Variants in RBM15 observed in about 807,000 individuals in gnomAD.
RBM15 encodes RNA binding motif protein 15, also known as RNA-binding protein 15.
A neutral mutation model predicts 62.6 loss-of-function variants in RBM15; 8 were observed. The ratio of observed to expected loss-of-function variants is 0.13; its 90% CI spans 0.07 to 0.23. RBM15 has a LOEUF of 0.23. Ranked by LOEUF, RBM15 falls within the 10% of genes least tolerant of loss-of-function variation. RBM15 has a pLI of 1.00. For missense variants in RBM15, 1,144 were observed against 1,286.5 expected, an observed-to-expected ratio of 0.89 and a Z score of 1.69; for synonymous variants, 606 against 505.7, an observed-to-expected ratio of 1.20 and a Z score of -2.66.
chr1:110,340,168 C>T lies in RBM15; in HGVS notation c.763C>T (p.Arg255Cys). The T allele has an allele frequency of 1.2e-6, 2 of 1,613,870 alleles. No homozygotes were observed. The highest frequency in any genetic ancestry group is 1.1e-5 in the South Asian group (1 of 91,078). Residue 255 changes from arginine (R) to cysteine (C), a missense_variant, in exon 1 of 3, where the codon CGC (arginine) becomes TGC (cysteine). By Grantham distance (180) the Arg-to-Cys change is radical (BLOSUM62 -3). Coordinates refer to ENST00000369784, the MANE Select transcript of RBM15 (RefSeq NM_022768.5). The surrounding 1 kb of genome is among the most constrained non-coding windows in gnomAD (Gnocchi z 5.8). Reference sequence around the variant, plus strand: ...GATAGAAGCTGTGTATGTGAGCCGGCGCCGCAGCCGCTCCCCTTTAGACAA... The same window carrying T: ...GATAGAAGCTGTGTATGTGAGCCGGTGCCGCAGCCGCTCCCCTTTAGACAA... The part of the protein sequence containing the change: ...LKIEAVYVSR[R>C]RSRSPLDKDT...
chr1:110,339,495 G>C lies in RBM15; in HGVS notation c.90G>C (p.Arg30=). 2 of 1,585,952 alleles carry C rather than the reference G, an allele frequency of 1.3e-6. No individual in the cohort carries two copies. Among genetic ancestry groups the C allele is most frequent in the African/African-American group, 1.3e-5 (1 of 74,298 alleles). Residue 30 remains arginine (R), a synonymous_variant, in exon 1 of 3, where the codon CGG becomes CGC. Transcript: ENST00000369784. ...TGTGTGAAACGAGCGCGGGGCGGCG[G>C]GTTACTCAGCTCCGCGGAGACGACC... is the stretch of plus-strand genomic sequence containing the variant. ...VPLCETSAGR[R]VTQLRGDDLR...
Position 110,341,720 on chromosome 1 carries a change from G to T in RBM15, c.2315G>T (p.Gly772Val). Reference sequence around the variant, plus strand: ...AAGTCCCCGTCCCAGAAACAGGATGGGGGGACAGCCCCTGTGGCATCAGCC... The same window carrying T: ...AAGTCCCCGTCCCAGAAACAGGATGTGGGGACAGCCCCTGTGGCATCAGCC... The part of the protein sequence containing the change: ...KLKSPSQKQD[G>V]GTAPVASASP... Residue 772 changes from glycine to valine, a missense_variant, in exon 1 of 3, where the codon GGG (glycine) becomes GTG (valine). By Grantham distance (109) the Gly-to-Val change is moderately radical. This residue lies in a region of RBM15 where 360 missense variants were observed against 342.9 expected (regional missense o/e 1.05). Transcript: ENST00000369784. This position sits in a 1 kb window ranked among gnomAD's most constrained non-coding sequence, Gnocchi z 4.5. The T allele has an allele frequency of 6.2e-7, 1 of 1,614,154 alleles. No homozygotes were observed. Among genetic ancestry groups the T allele is most frequent in the Non-Finnish European group, 8.5e-7 (1 of 1,180,022 alleles).
At position 110,339,767 on chromosome 1, in the gene RBM15, G is replaced by T; in HGVS notation, c.362G>T (p.Ser121Ile). ...GATACCGGTGGGGGCAGCTCCAGTAGCCGCTTGCATAGTTATAGCTCCCCG... is the reference window on the plus strand; with the variant it reads ...GATACCGGTGGGGGCAGCTCCAGTATCCGCTTGCATAGTTATAGCTCCCCG... ...EYDTGGGSSS[S>I]RLHSYSSPST... is the part of the protein sequence containing the mutation. Residue 121 changes from serine to isoleucine, a missense_variant, in exon 1 of 3, where the codon AGC (serine) becomes ATC (isoleucine). Coordinates refer to ENST00000369784, the MANE Select transcript of RBM15 (RefSeq NM_022768.5). The T allele has an allele frequency of 6.2e-7, 1 of 1,610,652 alleles. No homozygotes were observed. The highest frequency in any genetic ancestry group is 1.7e-5 in the Admixed American group (1 of 59,938).
Position 110,340,171 on chromosome 1 carries a change from C to T in RBM15, c.766C>T (p.Arg256Cys), listed in dbSNP as rs878920308. The change falls in exon 1 of 3, where the codon CGC becomes TGC. Residue 256 changes from arginine (R) to cysteine (C), a missense_variant. Arg to Cys is a radical substitution (Grantham distance 180, BLOSUM62 -3). Around this residue, in one of 8 missense-constraint regions of RBM15, gnomAD observed 188 missense variants for 185.6 expected, o/e 1.01. Coordinates refer to ENST00000369784, the MANE Select transcript of RBM15 (RefSeq NM_022768.5). This position sits in a 1 kb window ranked among gnomAD's most constrained non-coding sequence, Gnocchi z 5.8. ...KIEAVYVSRR[R>C]SRSPLDKDTY... ...AGAAGCTGTGTATGTGAGCCGGCGC[C>T]GCAGCCGCTCCCCTTTAGACAAAGA... 6.2e-7 allele frequency: 1 copy of T among 1,614,000 alleles called. No individual in the cohort carries two copies. The highest frequency in any genetic ancestry group is 8.5e-7 in the Non-Finnish European group (1 of 1,179,932).
intron 1 of RBM15, chr1:110,342,775 G>A (rs1660829120): frequency 6.5e-6 from 1 of 153,374 alleles, no homozygotes; most frequent in African/African-American, 2.4e-5. Context: ...AAGATATGCT[G>A]GTAAATTGTA....
rs1421880964 is a variant in RBM15 at position 110,340,427 on chromosome 1, C to T, written c.1022C>T (p.Pro341Leu). 2.5e-6 allele frequency: 4 copies of T among 1,614,196 alleles called. No individual in the cohort carries two copies. Among genetic ancestry groups the T allele is most frequent in the Non-Finnish European group, 3.4e-6 (4 of 1,180,036 alleles). The change falls in exon 1 of 3, where the codon CCT becomes CTT. Residue 341 changes from proline to leucine, a missense_variant. Pro to Leu is a moderately conservative substitution (Grantham distance 98). Around this residue, in one of 8 missense-constraint regions of RBM15, gnomAD observed 33 missense variants for 39.6 expected, o/e 0.83. Transcript: ENST00000369784. The surrounding 1 kb of genome is among the most constrained non-coding windows in gnomAD (Gnocchi z 5.8). Reference sequence around the variant, plus strand: ...TACCCGTTCTATGAGAGAGTGCGCCCTGCATACAGTCTTGAGCCAAGGGTG... The same window carrying T: ...TACCCGTTCTATGAGAGAGTGCGCCTTGCATACAGTCTTGAGCCAAGGGTG... ...RDYPFYERVRPAYSLEPRVGA... is the reference protein window; with the variant it reads ...RDYPFYERVRLAYSLEPRVGA...
Position 110,339,865 on chromosome 1 carries a change from T to C in RBM15, c.460T>C (p.Ser154Pro). ...SRGGGGESRSSGAASSAPGGG... is the reference protein window; with the variant it reads ...SRGGGGESRSPGAASSAPGGG... The stretch of plus-strand genomic sequence containing the variant: ...GGGTGGAGGCGGGGAGTCACGTTCC[T>C]CTGGGGCCGCCTCCTCAGCTCCCGG... The change falls in exon 1 of 3, where the codon TCT (serine) becomes CCT (proline). Residue 154 changes from serine to proline, a missense_variant. By Grantham distance (74) the Ser-to-Pro change is moderately conservative. Coordinates refer to ENST00000369784, the MANE Select transcript of RBM15 (RefSeq NM_022768.5). 6.2e-7 allele frequency: 1 copy of C among 1,602,700 alleles called. No homozygotes were observed. Among genetic ancestry groups the C allele is most frequent in the Non-Finnish European group, 8.5e-7 (1 of 1,171,674 alleles).
intron 1 of RBM15, 89 bp downstream of exon 1, chr1:110,342,357 C>T (rs1277041085): frequency 9.6e-7 from 1 of 1,046,982 alleles, no homozygotes; most frequent in Non-Finnish European, 1.3e-6. Flanking sequence ...GCATCAGATG[C>T]AATTTTCTTT....
In RBM15 at chr1:110,341,665, C is replaced by T. The variant is rs755928337; in HGVS notation, c.2260C>T (p.Pro754Ser). ...KKEDRSDGSAPSTSTASSKLK... is the reference protein window; with the variant it reads ...KKEDRSDGSASSTSTASSKLK... ...AGAAGACCGCTCTGATGGGAGTGCA[C>T]CTAGCACCAGCACTGCTTCCTCCAA... Residue 754 changes from proline (P) to serine (S), a missense_variant, in exon 1 of 3, where the codon CCT becomes TCT. This residue lies in a region of RBM15 where 360 missense variants were observed against 342.9 expected (regional missense o/e 1.05). Transcript: ENST00000369784. The surrounding 1 kb of genome is among the most constrained non-coding windows in gnomAD (Gnocchi z 4.5). The T allele has an allele frequency of 1.7e-5, 28 of 1,614,014 alleles. No individual in the cohort carries two copies. Among genetic ancestry groups the T allele is most frequent in the South Asian group, 5.5e-5 (5 of 91,084 alleles).
At chr1:110,346,062 A>G (rs1292395045) in intron 2 of RBM15, among the ~76,000 whole-genome samples, 2 of 152,122 alleles carry the variant, frequency 1.3e-5, no homozygotes, top group Admixed American at 6.5e-5. Flanking sequence ...CAGTCCTGTT[A>G]TCTTCAATTG....
chr1:110,346,406 T>C lies in RBM15; in HGVS notation c.*139T>C. 6.7e-7 allele frequency: 1 copy of C among 1,503,260 alleles called. No individual in the cohort carries two copies. Among genetic ancestry groups the C allele is most frequent in the Non-Finnish European group, 9.1e-7 (1 of 1,095,298 alleles). The allele number at this position is 1,503,260 out of a possible 1,614,324, so 93.1% of individuals were successfully genotyped here. ...CTTATGTGGAGTTTACATGGGCCTC[T>C]GATGGAAGAAAGCTAATCTGTTTAG... On this transcript the variant is annotated 3_prime_UTR_variant, in exon 3 of 3. Coordinates refer to ENST00000369784, the MANE Select transcript of RBM15 (RefSeq NM_022768.5).
Position 110,339,724 on chromosome 1 carries a change from G to A in RBM15, c.319G>A (p.Gly107Ser). 1 of 1,612,872 alleles carries A rather than the reference G, an allele frequency of 6.2e-7. No homozygotes were observed. The highest frequency in any genetic ancestry group is 8.5e-7 in the Non-Finnish European group (1 of 1,179,802). ...SLHLDKSSSR[G>S]GSREYDTGGG... ...CCACCTGGACAAGTCCAGCAGTCGA[G>A]GTGGCAGCCGCGAGTATGATACCGG... is the stretch of plus-strand genomic sequence containing the variant. Residue 107 changes from glycine (G) to serine (S), a missense_variant, in exon 1 of 3, where the codon GGT becomes AGT. By Grantham distance (56) the Gly-to-Ser change is moderately conservative. Transcript: ENST00000369784.
In RBM15 at chr1:110,346,533, G is replaced by C. The variant is rs1194557702; in HGVS notation, c.*266G>C. The C allele has an allele frequency of 4.6e-6, 3 of 648,310 alleles. No individual in the cohort carries two copies. The African/African-American group carries it at 5.4e-5, about 12-fold the overall frequency. 40.2% of individuals were successfully genotyped at this position (648,310 alleles called of 1,614,324 possible). A position where few individuals can be genotyped will look rare whatever the true frequency, so the allele number is the denominator to read the frequency against. On this transcript the variant is annotated 3_prime_UTR_variant, in exon 3 of 3. Coordinates refer to ENST00000369784, the MANE Select transcript of RBM15 (RefSeq NM_022768.5). The stretch of plus-strand genomic sequence containing the variant: ...GGAAAAAAAATGACCTCTTTGATTT[G>C]TGCTGTGTACACAAGATTTCTGGAA...
chr1:110,339,430 G>A lies in RBM15; in HGVS notation c.25G>A (p.Val9Met), dbSNP rs200491558. The change falls in exon 1 of 3, where the codon GTG (valine) becomes ATG (methionine). Residue 9 changes from valine to methionine, a missense_variant. Coordinates refer to ENST00000369784, the MANE Select transcript of RBM15 (RefSeq NM_022768.5). MRTAGRDP[V>M]PRRSPRWRRA... ...AATGAGGACTGCGGGGCGGGACCCT[G>A]TGCCGCGGCGGAGTCCAAGATGGCG... The A allele has an allele frequency of 5.9e-4, 909 of 1,532,760 alleles. 4 individuals carry two copies. The East Asian group carries it at 0.018, about 30-fold the overall frequency. The allele number at this position is 1,532,760 out of a possible 1,614,324, so 94.9% of individuals were successfully genotyped here. A position where few individuals can be genotyped will look rare whatever the true frequency, so the allele number is the denominator to read the frequency against.
At chr1:110,343,297 A>G (rs1226517485) in intron 1 of RBM15, among the ~76,000 whole-genome samples, 2 of 152,228 alleles carry the variant, frequency 1.3e-5, no homozygotes, top group East Asian at 1.9e-4. Context: ...TGCCTTTGAC[A>G]TGCTCTTTTA....
In RBM15 at chr1:110,340,361, C is replaced by T. The variant is rs1660769634; in HGVS notation, c.956C>T (p.Pro319Leu). ...QLALGRLPPP[P>L]PPPLPRDLER... ...GCTCTTGGCCGCCTGCCCCCTCCAC[C>T]TCCGCCACCATTGCCTCGAGACCTG... is the stretch of plus-strand genomic sequence containing the variant. The change falls in exon 1 of 3, where the codon CCT (proline) becomes CTT (leucine). Residue 319 changes from proline to leucine, a missense_variant. By Grantham distance (98) the Pro-to-Leu change is moderately conservative. Coordinates refer to ENST00000369784, the MANE Select transcript of RBM15 (RefSeq NM_022768.5). This position sits in a 1 kb window ranked among gnomAD's most constrained non-coding sequence, Gnocchi z 5.8. The T allele has an allele frequency of 6.2e-7, 1 of 1,614,098 alleles. No homozygotes were observed. The highest frequency in any genetic ancestry group is 8.5e-7 in the Non-Finnish European group (1 of 1,180,052).
Position 110,340,287 on chromosome 1 carries a change from C to A in RBM15, c.882C>A (p.Ser294=). 6.2e-7 allele frequency: 1 copy of A among 1,614,220 alleles called. No individual in the cohort carries two copies. Among genetic ancestry groups the A allele is most frequent in the Non-Finnish European group, 8.5e-7 (1 of 1,180,026 alleles). The change falls in exon 1 of 3, where the codon TCC becomes TCA. Residue 294 remains serine, a synonymous_variant. Transcript: ENST00000369784. The surrounding 1 kb of genome is among the most constrained non-coding windows in gnomAD (Gnocchi z 5.8). ...PGGGGGQRSL[S]PGGAALGYRD... Reference sequence around the variant, plus strand: ...GTGGTGGAGGCCAGAGATCACTTTCCCCTGGTGGCGCTGCTTTGGGATACA... The same window carrying A: ...GTGGTGGAGGCCAGAGATCACTTTCACCTGGTGGCGCTGCTTTGGGATACA...
intron 1 of RBM15, among the ~76,000 whole-genome samples, chr1:110,344,212 C>T (rs1179675891): frequency 6.6e-6 from 1 of 152,138 alleles, no homozygotes; most frequent in Non-Finnish European, 1.5e-5. Flanking sequence ...CATACGTGGG[C>T]TCATAGTATA....
chr1:110,341,627 G>T lies in RBM15; in HGVS notation c.2222G>T (p.Ser741Ile). Residue 741 changes from serine to isoleucine, a missense_variant, in exon 1 of 3, where the codon AGC (serine) becomes ATC (isoleucine). This residue lies in a region of RBM15 where 360 missense variants were observed against 342.9 expected (regional missense o/e 1.05). Transcript: ENST00000369784. This position sits in a 1 kb window ranked among gnomAD's most constrained non-coding sequence, Gnocchi z 4.5. Reference protein sequence around the residue: ...HRTTAPTEGKSPLKKEDRSDG... With the variant: ...HRTTAPTEGKIPLKKEDRSDG... ...ACAACTGCTCCCACTGAGGGAAAAA[G>T]CCCTCTGAAAAAAGAAGACCGCTCT... 1 of 1,614,110 alleles carries T rather than the reference G, an allele frequency of 6.2e-7. No individual in the cohort carries two copies. The highest frequency in any genetic ancestry group is 1.1e-5 in the South Asian group (1 of 91,070).
Sources: allele counts gnomAD v4.1 joint callset (sites outside exome capture counted in the v4.1 genomes callset), GRCh38; gene constraint gnomAD v4.1.1; regional missense constraint gnomAD v4.1.1; non-coding constraint Gnocchi (gnomAD v3.1); transcripts MANE v1.5; gene names NCBI Gene and HGNC (gene_info 2026-07-23, HGNC 2026-07-21).